Variants in SLC44A2 observed in about 807,000 individuals in gnomAD.
The protein encoded by SLC44A2 is choline transporter-like protein 2.
Under a neutral mutation model 90.8 loss-of-function variants are expected in SLC44A2, and 57 were observed. The observed-to-expected ratio is 0.63, with a 90% CI of 0.51 to 0.78. SLC44A2 has a LOEUF of 0.78. Among genes scored for constraint, SLC44A2 ranks in the 30% least tolerant of loss-of-function variants. The pLI, the probability that SLC44A2 is intolerant of heterozygous loss-of-function variation, is 0.00. For missense variants in SLC44A2, 794 were observed against 919.7 expected (o/e 0.86, Z 1.77); for synonymous variants, 355 against 360.7 (o/e 0.98, Z 0.18).
intron 21 of SLC44A2, among the ~76,000 whole-genome samples, chr19:10,642,740 C>G (rs1024887906): frequency 2.0e-5 from 3 of 152,208 alleles, no homozygotes; most frequent in Non-Finnish European, 4.4e-5. Flanking sequence ...GTGGCTGCCA[C>G]TAACTCTGGT....
intron 1 of SLC44A2, among the ~76,000 whole-genome samples, chr19:10,617,310 C>T (rs916278300): frequency 6.6e-5 from 10 of 152,154 alleles, no homozygotes; most frequent in Admixed American, 5.9e-4. Context: ...GGGCAGAAAC[C>T]ATTAGTATTT....
intron 10 of SLC44A2, among the ~76,000 whole-genome samples, chr19:10,633,971 C>CTTTTTTTTTT (rs1599252391): frequency 2.2e-5 from 1 of 45,986 alleles, no homozygotes; most frequent in South Asian, 8.3e-4. Context: ...AACCCCATCT[C>CTTTTTTTTTT]TATTTTTTTT....
chr19:10,633,006 T>A (rs2144864989), intron 10 of SLC44A2, among the ~76,000 whole-genome samples: 1 of 151,920 alleles, frequency 6.6e-6, no homozygotes. Flanking sequence ...ATGAGGGTAA[T>A]TCATATTTCT....
intron 1 of SLC44A2, among the ~76,000 whole-genome samples, chr19:10,610,267 T>A (rs1918246511): frequency 6.6e-6 from 1 of 151,766 alleles, no homozygotes; most frequent in Admixed American, 6.6e-5. Flanking sequence ...TTTAATATCT[T>A]GTCCTTAACA....
At chr19:10,628,270 A>G (rs2066955964) in intron 4 of SLC44A2, among the ~76,000 whole-genome samples, 1 of 152,206 alleles carries the variant, frequency 6.6e-6, no homozygotes, top group Non-Finnish European at 1.5e-5. Flanking sequence ...CTGTAATCCC[A>G]GCTACTCAGG....
chr19:10,611,932 A>G (rs906861351), intron 1 of SLC44A2, among the ~76,000 whole-genome samples: 1 of 152,168 alleles, frequency 6.6e-6, no homozygotes, highest in Non-Finnish European at 1.5e-5. Context: ...TCCATGGAAG[A>G]TTTTAGCTTT....
intron 21 of SLC44A2, 106 bp downstream of exon 21, chr19:10,642,557 C>T (rs2067128508): frequency 9.2e-7 from 1 of 1,091,262 alleles, no homozygotes; most frequent in Non-Finnish European, 1.4e-6. Flanking sequence ...CCCCCAGCTT[C>T]CCCAGGGCTT....
At chr19:10,618,958 CTTTTTT>C (rs772955506) in intron 1 of SLC44A2, among the ~76,000 whole-genome samples, 2 of 100,094 alleles carry the variant, frequency 2.0e-5, no homozygotes, top group African/African-American at 3.7e-5. Context: ...GTATACAATT[CTTTTTT>C]TTTTTTTTTT....
At chr19:10,643,207 A>G in intron 21 of SLC44A2, 72 bp from the exon 22 acceptor site, 1 of 1,535,290 alleles carries the variant, frequency 6.5e-7, no homozygotes, top group Non-Finnish European at 8.8e-7. Context: ...ACCCTCATCC[A>G]CCTACCCTGT....
chr19:10,612,399 T>C (rs1918330848), intron 1 of SLC44A2, among the ~76,000 whole-genome samples: 1 of 152,046 alleles, frequency 6.6e-6, no homozygotes, highest in Admixed American at 6.6e-5. Context: ...AAAGGTTAAA[T>C]GTTTCTAGAA....
chr19:10,619,567 T>C (rs2066882395), intron 1 of SLC44A2, among the ~76,000 whole-genome samples: 4 of 152,046 alleles, frequency 2.6e-5, no homozygotes, highest in Non-Finnish European at 4.4e-5. Flanking sequence ...CAGGCTAGTG[T>C]TGAACTCCTG....
rs752432975 is a variant in SLC44A2, at chr19:10,643,311, G to A, written c.2047G>A (p.Glu683Lys). Reference sequence around the variant, plus strand: ...CCTGGAGAGGAATGACGGCTCGGCCGAGAGGCCTTACTTCATGTCTTCCAC... The same window carrying A: ...CCTGGAGAGGAATGACGGCTCGGCCAAGAGGCCTTACTTCATGTCTTCCAC... ...EDLERNDGSA[E>K]RPYFMSSTLK... The change falls in exon 22 of 22, where the codon GAG becomes AAG. Residue 683 changes from glutamate to lysine, a missense_variant. Around this residue, in one of 3 missense-constraint regions of SLC44A2, gnomAD observed 44 missense variants for 43.9 expected, o/e 1.00. Transcript: ENST00000335757. 8.7e-6 allele frequency: 14 copies of A among 1,610,114 alleles called. No homozygotes were observed. The highest frequency in any genetic ancestry group is 1.6e-4 in the Middle Eastern group (1 of 6,078).
chr19:10,630,193 T>C (rs2066978734), intron 4 of SLC44A2, among the ~76,000 whole-genome samples: 1 of 151,486 alleles, frequency 6.6e-6, no homozygotes, highest in African/African-American at 2.4e-5. Flanking sequence ...CTACCAATAA[T>C]AGAAAAAATT....
At chr19:10,623,473 G>T (rs932656216), upstream of SLC44A2, among the ~76,000 whole-genome samples, 3 of 152,044 alleles carry the variant, frequency 2.0e-5, no homozygotes. Context: ...TCCTGCTGAG[G>T]ATACCTCCAC....
At position 10,638,100 on chromosome 19, in the gene SLC44A2, G is replaced by GCCGC; in HGVS notation, c.1840+10_1840+13dup. On this transcript the variant is annotated splice_region_variant and intron_variant, in intron 19 of 21. Transcript: ENST00000335757. Reference sequence around the variant, plus strand: ...CTGATCGTTGGTAGTGTGGGTGAGTGCCGCCCACCTAGCCTCTCGGGGTGT... The same window carrying GCCGC: ...CTGATCGTTGGTAGTGTGGGTGAGTGCCGCCCGCCCACCTAGCCTCTCGGGGTGT... The GCCGC allele has an allele frequency of 6.2e-7, 1 of 1,613,902 alleles. No individual in the cohort carries two copies. Among genetic ancestry groups the GCCGC allele is most frequent in the Non-Finnish European group, 8.5e-7 (1 of 1,179,944 alleles).
chr19:10,636,151 A>G (rs2144876138), intron 14 of SLC44A2, 172 bp from the exon 15 acceptor site: 1 of 758,410 alleles, frequency 1.3e-6, no homozygotes, highest in South Asian at 1.9e-5. Context: ...TGTTTCTAGA[A>G]TCCCTTCCTT....
intron 1 of SLC44A2, among the ~76,000 whole-genome samples, chr19:10,614,249 G>C (rs1034548685): frequency 6.6e-6 from 1 of 152,106 alleles, no homozygotes; most frequent in Non-Finnish European, 1.5e-5. Flanking sequence ...TTACAGGCAT[G>C]AGCCACCGCA....
Position 10,631,968 on chromosome 19 carries a change from G to A in SLC44A2, c.710+17G>A. On this transcript the variant is annotated intron_variant, in intron 9 of 21. Coordinates refer to ENST00000335757, the MANE Select transcript of SLC44A2 (RefSeq NM_020428.4). ...GATTATCATGTAAGTCAGGAGGGAA[G>A]GGGCCTCTCCCCTGGCTGCCCCCTC... 2 of 1,614,028 alleles carry A rather than the reference G, an allele frequency of 1.2e-6. No individual in the cohort carries two copies. The highest frequency in any genetic ancestry group is 1.7e-6 in the Non-Finnish European group (2 of 1,179,870).
chr19:10,611,517 C>T (rs1316048137), intron 1 of SLC44A2, among the ~76,000 whole-genome samples: 2 of 144,856 alleles, frequency 1.4e-5, no homozygotes, highest in African/African-American at 2.9e-5. Flanking sequence ...CCTGTAATCC[C>T]AGCTGTTTGT....
Sources: gnomAD v4.1 joint callset for allele counts (sites outside exome capture counted in the v4.1 genomes callset) on GRCh38, gnomAD v4.1.1 for gene constraint, gnomAD v4.1.1 regional missense constraint, MANE v1.5 for transcripts, NCBI Gene and HGNC (gene_info 2026-07-23, HGNC 2026-07-21) for gene names.